The following CLIC5 variants were observed in gnomAD, a reference collection of about 807,000 sequenced individuals.
The protein encoded by CLIC5 is chloride intracellular channel protein 5.
A neutral mutation model predicts 24.7 loss-of-function variants in CLIC5; 20 were observed. That is an observed-to-expected ratio of 0.81 (90% CI 0.57 to 1.18). CLIC5 has a LOEUF of 1.18. CLIC5 is among the 50% of genes most tolerant of loss of function. CLIC5 has a pLI of 0.00. For missense variants in CLIC5, 341 were observed against 326.1 expected (o/e 1.05, Z -0.35); for synonymous variants, 159 against 135.6 (o/e 1.17, Z -1.20).
At chr6:45,896,807 G>C (rs1228218214), downstream of CLIC5, among the ~76,000 whole-genome samples, 4 of 152,110 alleles carry the variant, frequency 2.6e-5, no homozygotes, top group Non-Finnish European at 5.9e-5. Flanking sequence ...TGTCTCCCAT[G>C]CTCCCAGCTC....
chr6:45,918,463 C>T (rs1763117066), intron 4 of CLIC5, among the ~76,000 whole-genome samples: 1 of 152,204 alleles, frequency 6.6e-6, no homozygotes, highest in South Asian at 2.1e-4. Context: ...AGCACAGGTC[C>T]TGATGAGCAT....
At chr6:45,993,579 G>T (rs930670463) in intron 1 of CLIC5, among the ~76,000 whole-genome samples, 1 of 140,330 alleles carries the variant, frequency 7.1e-6, no homozygotes, top group Non-Finnish European at 1.5e-5. Flanking sequence ...ACATGGGAGA[G>T]AAAACCCCTC....
Position 45,900,099 on chromosome 6 carries a change from T to C in CLIC5, c.*2989A>G, listed in dbSNP as rs1440335153. The C allele has an allele frequency of 1.3e-5, 2 of 152,072 alleles. No homozygotes were observed. The highest frequency in any genetic ancestry group is 2.4e-5 in the African/African-American group (1 of 41,400). The allele number at this position is 152,072 out of a possible 1,614,324, so 9.4% of individuals were successfully genotyped here. ...GTTATTAAAATCTTACTCAATACCT[T>C]CTCTCTGGGCCAAACTCAGAAGCAG... On this transcript the variant is annotated 3_prime_UTR_variant, in exon 6 of 6. Coordinates refer to ENST00000339561, the MANE Select transcript of CLIC5 (RefSeq NM_016929.5).
intron 1 of CLIC5, among the ~76,000 whole-genome samples, chr6:46,015,261 T>G (rs1007586977): frequency 1.3e-5 from 2 of 151,946 alleles, no homozygotes; most frequent in Admixed American, 1.3e-4. Flanking sequence ...AAACTGCGGA[T>G]CAACTCTCCG....
chr6:46,071,060 T>C (rs1299419496), intron 1 of CLIC5, among the ~76,000 whole-genome samples: 1 of 152,154 alleles, frequency 6.6e-6, no homozygotes, highest in Non-Finnish European at 1.5e-5. Context: ...CTTTATTTCA[T>C]ATACAAAAAT....
At chr6:45,957,392 T>G (rs568516546) in intron 1 of CLIC5, among the ~76,000 whole-genome samples, 139 of 152,164 alleles carry the variant, frequency 9.1e-4, no homozygotes, top group African/African-American at 3.0e-3. Flanking sequence ...CACAGAGAGA[T>G]AAAATAACTG....
At chr6:45,997,410 T>G in intron 1 of CLIC5, among the ~76,000 whole-genome samples, 4 of 144,592 alleles carry the variant, frequency 2.8e-5, no homozygotes, top group South Asian at 2.4e-4. Context: ...TGCTAGATGA[T>G]GAGTTAGTGG....
rs1031163403 is a variant in CLIC5, at chr6:45,902,991, G to A, written c.*97C>T. ...AAGATGAGGCTTGATTATAAAAAGT[G>A]CGCCTCAAGGCAGTGATACAGAGGA... is the stretch of plus-strand genomic sequence containing the variant. On this transcript the variant is annotated 3_prime_UTR_variant, in exon 6 of 6. Coordinates refer to ENST00000339561, the MANE Select transcript of CLIC5 (RefSeq NM_016929.5). 3.2e-5 allele frequency: 42 copies of A among 1,299,886 alleles called. No individual in the cohort carries two copies. The South Asian group carries it at 4.2e-4, about 13-fold the overall frequency. 80.5% of individuals were successfully genotyped at this position (1,299,886 alleles called of 1,614,324 possible).
At chr6:46,046,355 T>C (rs1302507750) in intron 1 of CLIC5, among the ~76,000 whole-genome samples, 1 of 152,164 alleles carries the variant, frequency 6.6e-6, no homozygotes, top group Non-Finnish European at 1.5e-5. Context: ...AACAAGCTCA[T>C]CAATTCCACC....
At chr6:46,085,274 C>T (rs1056850880), upstream of CLIC5, among the ~76,000 whole-genome samples, 20 of 152,350 alleles carry the variant, frequency 1.3e-4, no homozygotes, top group Non-Finnish European at 2.1e-4. Flanking sequence ...TCTCTCAACT[C>T]GTCAAAGTCA....
intron 1 of CLIC5, among the ~76,000 whole-genome samples, chr6:45,956,603 A>G (rs1472559555): frequency 6.6e-6 from 1 of 151,768 alleles, no homozygotes. Context: ...TCTTTCATAC[A>G]TTAGAACCTC....
At chr6:45,896,761 C>T (rs1762398436), downstream of CLIC5, among the ~76,000 whole-genome samples, 1 of 152,212 alleles carries the variant, frequency 6.6e-6, no homozygotes, top group Admixed American at 6.5e-5. Context: ...GGTTTCTTCA[C>T]AGAACCGTTA....
At chr6:45,888,781 A>G (rs1762326239) in intron 6 of CLIC5, among the ~76,000 whole-genome samples, 1 of 152,188 alleles carries the variant, frequency 6.6e-6, no homozygotes, top group Non-Finnish European at 1.5e-5. Context: ...TGTTATTATT[A>G]GGTCTTTGTT....
At chr6:45,906,564 CTTT>C (rs35362216) in intron 5 of CLIC5, among the ~76,000 whole-genome samples, 1 of 141,686 alleles carries the variant, frequency 7.1e-6, no homozygotes. Context: ...TGTACATTGA[CTTT>C]TTTTTTTTTT....
chr6:45,922,835 T>TAGAGAGAGAGAGAG (rs36124366), intron 4 of CLIC5, among the ~76,000 whole-genome samples: 6 of 144,294 alleles, frequency 4.2e-5, no homozygotes, highest in Admixed American at 3.5e-4. Context: ...GAGAGAGAGA[T>TAGAGAGAGAGAGAG]AGAGAGAGAG....
At chr6:46,042,979 A>G (rs1353099555) in intron 1 of CLIC5, among the ~76,000 whole-genome samples, 1 of 152,178 alleles carries the variant, frequency 6.6e-6, no homozygotes. Context: ...TCTCTTGCTT[A>G]TGTGATTTTG....
intron 4 of CLIC5, among the ~76,000 whole-genome samples, chr6:45,922,522 A>AT (rs1014969288): frequency 9.2e-5 from 14 of 152,090 alleles, no homozygotes; most frequent in Non-Finnish European, 1.5e-4. Flanking sequence ...CAAAATGCAT[A>AT]TTTTTTTTAA....
intron 1 of CLIC5, among the ~76,000 whole-genome samples, chr6:46,021,134 A>G (rs1767171337): frequency 6.6e-6 from 1 of 151,664 alleles, no homozygotes; most frequent in African/African-American, 2.4e-5. Flanking sequence ...TAGGCAAAAT[A>G]TCTGAGCAGA....
chr6:46,099,081 T>C, the CLIC5 span, among the ~76,000 whole-genome samples: 7 of 152,228 alleles, frequency 4.6e-5, no homozygotes, highest in East Asian at 1.2e-3. Flanking sequence ...TTTTATCTTA[T>C]TAGAGAAAGG....
Sources: gnomAD v4.1 joint callset for allele counts (sites outside exome capture counted in the v4.1 genomes callset) on GRCh38, gnomAD v4.1.1 for gene constraint, MANE v1.5 for transcripts, NCBI Gene and HGNC (gene_info 2026-07-23, HGNC 2026-07-21) for gene names.